Variants in KCNAB3 observed in about 807,000 individuals in gnomAD.
KCNAB3 encodes the protein voltage-gated potassium channel subunit beta-3.
In KCNAB3, 62 loss-of-function variants were observed where a neutral mutation model predicts 67.7. That is an observed-to-expected ratio of 0.92 (90% CI 0.75 to 1.13). The LOEUF (loss-of-function observed/expected upper bound fraction) is 1.13, where lower values mean the gene tolerates loss of function less well. Ranked by LOEUF, KCNAB3 falls within the 50% of genes most tolerant of loss-of-function variation. The pLI is 0.00. For missense variants in KCNAB3, 514 were observed against 522.9 expected, an observed-to-expected ratio of 0.98 and a Z score of 0.17; for synonymous variants, 212 against 205.4, an observed-to-expected ratio of 1.03 and a Z score of -0.27.
At chr17:7,924,968 A>G in intron 8 of KCNAB3, 129 bp downstream of exon 8, 1 of 792,416 alleles carries the variant, frequency 1.3e-6, no homozygotes, top group Non-Finnish European at 2.1e-6. Context: ...CTGTTCTCGA[A>G]CTCCAGGCCC....
chr17:7,923,422 A>C lies in KCNAB3; in HGVS notation c.1137+34T>G, dbSNP rs555359265. ...GTGGCTTTGACTCCTGGGGAGGGGG[A>C]CAGATAGGCTCTGCCTCTGAGTCCC... On this transcript the variant is annotated intron_variant, in intron 13 of 13. Coordinates refer to ENST00000303790, the MANE Select transcript of KCNAB3 (RefSeq NM_004732.4). The C allele has an allele frequency of 8.2e-6, 13 of 1,581,160 alleles. No homozygotes were observed. In the African/African-American group the frequency reaches 1.6e-4, roughly 20 times the overall value.
intron 6 of KCNAB3, 85 bp downstream of exon 6, chr17:7,925,846 G>C: frequency 6.3e-7 from 1 of 1,591,098 alleles, no homozygotes; most frequent in Non-Finnish European, 8.6e-7. Flanking sequence ...ACCTGGTGCA[G>C]GATAGCTGTC....
At chr17:7,925,655 C>G (rs753409311) in intron 7 of KCNAB3, 28 bp downstream of exon 7, 2 of 1,612,964 alleles carry the variant, frequency 1.2e-6, no homozygotes, top group Non-Finnish European at 1.7e-6. Context: ...TATCCCCTCA[C>G]TTTGGGTTTC....
At position 7,925,979 on chromosome 17, in the gene KCNAB3, G is replaced by A; in HGVS notation, c.450-4C>T. 6.2e-7 allele frequency: 1 copy of A among 1,613,996 alleles called. No homozygotes were observed. Among genetic ancestry groups the A allele is most frequent in the African/African-American group, 1.3e-5 (1 of 74,934 alleles). ...AGTGATGACATAGCTTGATCTCCTG[G>A]AAGAATAGAAATGGGAGAACCAGTA... On this transcript the variant is annotated splice_region_variant and splice_polypyrimidine_tract_variant and intron_variant, in intron 5 of 13. Transcript: ENST00000303790.
At chr17:7,927,919 C>T in intron 1 of KCNAB3, 93 bp from the exon 2 acceptor site, 1 of 1,470,004 alleles carries the variant, frequency 6.8e-7, no homozygotes, top group South Asian at 1.1e-5. Context: ...ACTGAGAAGC[C>T]CTCAGGTGTC....
At chr17:7,926,985 G>C in intron 4 of KCNAB3, 1 of 277,140 alleles carries the variant, frequency 3.6e-6, no homozygotes, top group Non-Finnish European at 7.1e-6. Context: ...AAGATGAGCA[G>C]AAGTGTTTGC....
Position 7,922,733 on chromosome 17 carries a change from A to AT in KCNAB3, c.*368dup, listed in dbSNP as rs1375485722. The AT allele has an allele frequency of 2.3e-5, 7 of 301,744 alleles. No individual in the cohort carries two copies. The highest frequency in any genetic ancestry group is 4.3e-5 in the African/African-American group (2 of 46,980). The allele number at this position is 301,744 out of a possible 1,614,324, so 18.7% of individuals were successfully genotyped here. On this transcript the variant is annotated 3_prime_UTR_variant, in exon 14 of 14. Transcript: ENST00000303790. ...AAGGGCCCCTTTTGAGGTACACTGT[A>AT]TGTTTCTTGTATGTGCTGGGTTTTT...
chr17:7,923,308 T>C, intron 13 of KCNAB3, 129 bp from the exon 14 acceptor site: 1 of 1,244,024 alleles, frequency 8.0e-7, no homozygotes, highest in Non-Finnish European at 1.2e-6. Flanking sequence ...GCTGTGCCGG[T>C]GCCTCGCTTT....
In KCNAB3 at chr17:7,923,036, G is replaced by T; in HGVS notation, c.*66C>A. 6.8e-7 allele frequency: 1 copy of T among 1,475,212 alleles called. No individual in the cohort carries two copies. Among genetic ancestry groups the T allele is most frequent in the Non-Finnish European group, 9.5e-7 (1 of 1,054,714 alleles). The allele number at this position is 1,475,212 out of a possible 1,614,324, so 91.4% of individuals were successfully genotyped here. The stretch of plus-strand genomic sequence containing the variant: ...TGGAGGGATCCGGAGCGGGAGAGGC[G>T]GCTGCGAGGAGCGGGGCTCGGGCGG... On this transcript the variant is annotated 3_prime_UTR_variant, in exon 14 of 14. Coordinates refer to ENST00000303790, the MANE Select transcript of KCNAB3 (RefSeq NM_004732.4).
chr17:7,927,906 C>G (rs1598037932), intron 1 of KCNAB3, 80 bp from the exon 2 acceptor site: 1 of 1,556,858 alleles, frequency 6.4e-7, no homozygotes, highest in East Asian at 2.2e-5. Context: ...CCTCTCCTTC[C>G]AGACTGAGAA....
chr17:7,924,517 G>C lies in KCNAB3; in HGVS notation c.626-17C>G. ...GCACAATCTCTAGGTACACAGGAGA[G>C]GGAAAGCCTTACTGTCAGAGCCCTG... On this transcript the variant is annotated splice_polypyrimidine_tract_variant and intron_variant, in intron 8 of 13. Coordinates refer to ENST00000303790, the MANE Select transcript of KCNAB3 (RefSeq NM_004732.4). The C allele has an allele frequency of 6.2e-7, 1 of 1,605,600 alleles. No individual in the cohort carries two copies. The highest frequency in any genetic ancestry group is 8.5e-7 in the Non-Finnish European group (1 of 1,174,938).
At position 7,922,694 on chromosome 17, in the gene KCNAB3, T is replaced by C. The variant is rs1972072868; in HGVS notation, c.*408A>G. On this transcript the variant is annotated 3_prime_UTR_variant, in exon 14 of 14. Coordinates refer to ENST00000303790, the MANE Select transcript of KCNAB3 (RefSeq NM_004732.4). ...CAACTCACTCACTAGGTTATTACCC[T>C]TTGATGACATTTCAAGGGCCCCTTT... 4.4e-6 allele frequency: 1 copy of C among 225,062 alleles called. No homozygotes were observed. The highest frequency in any genetic ancestry group is 5.0e-5 in the Admixed American group (1 of 20,090). The allele number at this position is 225,062 out of a possible 1,614,324, so 13.9% of individuals were successfully genotyped here.
chr17:7,925,227 G>A, intron 7 of KCNAB3, 44 bp from the exon 8 acceptor site: 1 of 1,530,232 alleles, frequency 6.5e-7, no homozygotes, highest in East Asian at 2.3e-5. Context: ...CTCAGCTTCA[G>A]TGTACTAAGA....
intron 4 of KCNAB3, chr17:7,927,142 A>G (rs1972258280): frequency 4.7e-6 from 3 of 635,342 alleles, no homozygotes; most frequent in Admixed American, 2.5e-5. Context: ...GTAGCTGCAC[A>G]GTACGCCCAT....
chr17:7,925,111 T>C lies in KCNAB3; in HGVS notation c.611A>G (p.Asn204Ser), dbSNP rs758415442. 2.5e-6 allele frequency: 4 copies of C among 1,613,076 alleles called. No homozygotes were observed. The South Asian group carries it at 4.4e-5, about 18-fold the overall frequency. Residue 204 changes from asparagine to serine, a missense_variant, in exon 8 of 14, where the codon AAC (asparagine) becomes AGC (serine). Coordinates refer to ENST00000303790, the MANE Select transcript of KCNAB3 (RefSeq NM_004732.4). ...DIVFANRSDP[N>S]CPMEEIVRAM... The stretch of plus-strand genomic sequence containing the variant: ...GCTGCTTTTACCCTCCATAGGACAG[T>C]TGGGGTCTGAGCGATTGGCAAAGAC...
intron 7 of KCNAB3, 71 bp from the exon 8 acceptor site, chr17:7,925,254 G>A (rs1026719609): frequency 6.2e-5 from 78 of 1,249,374 alleles, no homozygotes; most frequent in Non-Finnish European, 7.8e-5. Flanking sequence ...GCCACCAGGC[G>A]TGGTGGCTCA....
At position 7,927,703 on chromosome 17, in the gene KCNAB3, G is replaced by T; in HGVS notation, c.287-9C>A. 6.2e-7 allele frequency: 1 copy of T among 1,614,190 alleles called. No individual in the cohort carries two copies. Among genetic ancestry groups the T allele is most frequent in the Middle Eastern group, 1.6e-4 (1 of 6,062 alleles). On this transcript the variant is annotated splice_polypyrimidine_tract_variant and intron_variant, in intron 2 of 13. Transcript: ENST00000303790. Reference sequence around the variant, plus strand: ...AAATGTGACCCAGGTACCTGCAAGAGAGAAGCCAGGCACATGAGAACTGCA... The same window carrying T: ...AAATGTGACCCAGGTACCTGCAAGATAGAAGCCAGGCACATGAGAACTGCA...
rs1598039943 is a variant in KCNAB3 at position 7,929,377 on chromosome 17, C to T, written c.59G>A (p.Arg20His). 1 of 1,548,922 alleles carries T rather than the reference C, an allele frequency of 6.5e-7. No homozygotes were observed. Among genetic ancestry groups the T allele is most frequent in the African/African-American group, 1.4e-5 (1 of 73,088 alleles). ...QNLRSRSSED[R>H]LCGPRPGPGG... ...GGGGCCCGGCCGGGGTCCACACAGA[C>T]GGTCCTCACTGCTCCGGCTGCGAAG... The change falls in exon 1 of 14, where the codon CGT becomes CAT. Residue 20 changes from arginine (R) to histidine (H), a missense_variant. Physicochemically the swap from Arg to His is conservative, Grantham distance 29 (BLOSUM62 0). Coordinates refer to ENST00000303790, the MANE Select transcript of KCNAB3 (RefSeq NM_004732.4). The surrounding 1 kb of genome is among the most constrained non-coding windows in gnomAD (Gnocchi z 5.7).
Position 7,924,042 on chromosome 17 carries a change from A to G in KCNAB3, c.853T>C (p.Tyr285His). 1.9e-6 allele frequency: 3 copies of G among 1,614,138 alleles called. No individual in the cohort carries two copies. The highest frequency in any genetic ancestry group is 2.5e-6 in the Non-Finnish European group (3 of 1,180,018). ...HKIGVGSVTW[Y>H]PLACGLITSK... ...GTAATGAGACCACAGGCTAGAGGGT[A>G]CCAAGTGACTGATCCAACTCCTAAG... is the stretch of plus-strand genomic sequence containing the variant. The change falls in exon 11 of 14, where the codon TAC becomes CAC. Residue 285 changes from tyrosine to histidine, a missense_variant. Tyr to His is a moderately conservative substitution (Grantham distance 83, BLOSUM62 2). Coordinates refer to ENST00000303790, the MANE Select transcript of KCNAB3 (RefSeq NM_004732.4).
Sources: gnomAD v4.1 joint callset for allele counts on GRCh38, gnomAD v4.1.1 for gene constraint, Gnocchi (gnomAD v3.1) non-coding constraint, MANE v1.5 for transcripts, NCBI Gene and HGNC (gene_info 2026-07-23, HGNC 2026-07-21) for gene names.